Variants in PCDH9 observed in about 807,000 individuals in gnomAD.
The protein encoded by PCDH9 is protocadherin-9.
In PCDH9, 24 loss-of-function variants were observed where a neutral mutation model predicts 70.6. That is an observed-to-expected ratio of 0.34 (90% CI 0.25 to 0.48). PCDH9 has a LOEUF of 0.48. Among genes scored for constraint, PCDH9 ranks in the 20% least tolerant of loss-of-function variants. The probability of loss-of-function intolerance (pLI) is 0.99; values close to 1 mark genes in which losing one functional copy is unlikely to be tolerated. For synonymous variants in PCDH9, 562 were observed against 558.5 expected (o/e 1.01, Z -0.09); for missense variants, 1,281 against 1,503.6 (o/e 0.85, Z 2.45).
chr13:67,002,297 A>G (rs2084261170), intron 2 of PCDH9, among the ~76,000 whole-genome samples: 1 of 152,148 alleles, frequency 6.6e-6, no homozygotes, highest in Non-Finnish European at 1.5e-5. Flanking sequence ...ATATAAATTC[A>G]TAAGCTAGTC....
At chr13:67,103,965 T>G (rs571137151) in intron 2 of PCDH9, among the ~76,000 whole-genome samples, 200 of 152,318 alleles carry the variant, frequency 1.3e-3, no homozygotes, top group Non-Finnish European at 1.6e-3. Context: ...AATTTCAAGA[T>G]GGTCAGATAC....
At chr13:67,005,443 T>C (rs183962500) in intron 2 of PCDH9, among the ~76,000 whole-genome samples, 302 of 152,316 alleles carry the variant, frequency 2.0e-3, no homozygotes, top group Non-Finnish European at 3.4e-3. Flanking sequence ...ATAATACTTA[T>C]TACTTTGTCA....
chr13:66,960,255 A>G (rs1299800012), intron 2 of PCDH9, among the ~76,000 whole-genome samples: 4 of 152,222 alleles, frequency 2.6e-5, no homozygotes, highest in Admixed American at 6.5e-5. Context: ...AAAGCAGTTT[A>G]AAAGAAAATA....
chr13:66,426,546 G>T (rs1227754418), intron 4 of PCDH9, among the ~76,000 whole-genome samples: 22 of 150,418 alleles, frequency 1.5e-4, no homozygotes, highest in Admixed American at 1.5e-3. Context: ...TGTAATATTA[G>T]AAATTCATAT....
At chr13:67,074,160 G>A (rs1193679587) in intron 2 of PCDH9, among the ~76,000 whole-genome samples, 1 of 151,802 alleles carries the variant, frequency 6.6e-6, no homozygotes, top group Non-Finnish European at 1.5e-5. Flanking sequence ...GACTGAATGT[G>A]TTCTCTCAAA....
chr13:66,735,095 T>TA (rs2079128465), intron 3 of PCDH9, among the ~76,000 whole-genome samples: 1 of 152,164 alleles, frequency 6.6e-6, no homozygotes, highest in Admixed American at 6.5e-5. Context: ...CTCAAAATAT[T>TA]AGATAGTTGT....
At chr13:67,120,906 A>C (rs1253710407) in intron 2 of PCDH9, among the ~76,000 whole-genome samples, 1 of 152,008 alleles carries the variant, frequency 6.6e-6, no homozygotes, top group Non-Finnish European at 1.5e-5. Context: ...GCTTTGAGGA[A>C]GTCACTTGGG....
chr13:66,580,531 T>C (rs994861062), intron 4 of PCDH9, among the ~76,000 whole-genome samples: 14 of 151,944 alleles, frequency 9.2e-5, no homozygotes, highest in African/African-American at 3.4e-4. Context: ...AGTGTGGGAG[T>C]ATTTGTCAAT....
intron 3 of PCDH9, among the ~76,000 whole-genome samples, chr13:66,817,457 C>T (rs58970298): frequency 6.6e-6 from 1 of 152,064 alleles, no homozygotes; most frequent in Admixed American, 6.6e-5. Flanking sequence ...TCTTACAATA[C>T]TCATAGATAG....
intron 3 of PCDH9, among the ~76,000 whole-genome samples, chr13:66,814,711 A>C (rs2080570002): frequency 6.6e-6 from 1 of 152,092 alleles, no homozygotes; most frequent in Admixed American, 6.6e-5. Context: ...AGCCATATGC[A>C]AAGATTGAAA....
intron 2 of PCDH9, among the ~76,000 whole-genome samples, chr13:66,917,481 A>C (rs2082575038): frequency 6.6e-6 from 1 of 151,478 alleles, no homozygotes; most frequent in Non-Finnish European, 1.5e-5. Context: ...AACACTAATC[A>C]CTACAGTCTT....
intron 2 of PCDH9, among the ~76,000 whole-genome samples, chr13:67,196,094 A>G (rs554060531): frequency 3.2e-4 from 48 of 152,312 alleles, no homozygotes; most frequent in African/African-American, 1.1e-3. Flanking sequence ...AACAAACTCT[A>G]TGGATACATC....
intron 2 of PCDH9, among the ~76,000 whole-genome samples, chr13:66,934,875 C>T (rs1455956558): frequency 3.2e-4 from 47 of 147,992 alleles, no homozygotes; most frequent in Non-Finnish European, 4.5e-4. Context: ...CGCCCGCTAC[C>T]ACGCCCGGCT....
At chr13:67,119,400 T>C (rs1445370287) in intron 2 of PCDH9, among the ~76,000 whole-genome samples, 4 of 152,200 alleles carry the variant, frequency 2.6e-5, no homozygotes, top group African/African-American at 9.6e-5. Flanking sequence ...TGAGATTATT[T>C]ATTTTCATTT....
chr13:67,157,385 A>G (rs1237428370), intron 2 of PCDH9, among the ~76,000 whole-genome samples: 2 of 152,252 alleles, frequency 1.3e-5, no homozygotes, highest in Non-Finnish European at 2.9e-5. Flanking sequence ...AGACATACAT[A>G]TACTAACTGC....
At chr13:66,517,310 C>T (rs1386468204) in intron 4 of PCDH9, among the ~76,000 whole-genome samples, 1 of 152,060 alleles carries the variant, frequency 6.6e-6, no homozygotes, top group Non-Finnish European at 1.5e-5. Context: ...GCAAGAAATC[C>T]ATTTATGATA....
chr13:66,707,118 A>G (rs549106164), intron 3 of PCDH9, among the ~76,000 whole-genome samples: 4 of 152,202 alleles, frequency 2.6e-5, no homozygotes, highest in African/African-American at 9.7e-5. Context: ...CCCACAAAAA[A>G]TCAGGGAATA....
At chr13:66,403,132 A>T (rs1348678173) in intron 4 of PCDH9, among the ~76,000 whole-genome samples, 2 of 151,730 alleles carry the variant, frequency 1.3e-5, no homozygotes, top group African/African-American at 4.8e-5. Flanking sequence ...ACAGCTTTAG[A>T]TGTACAATTT....
At chr13:67,013,909 C>T (rs777266775) in intron 2 of PCDH9, among the ~76,000 whole-genome samples, 1 of 151,994 alleles carries the variant, frequency 6.6e-6, no homozygotes, top group Non-Finnish European at 1.5e-5. Context: ...ACGAGATAAG[C>T]ATCATCTGTG....
Sources: gnomAD v4.1 joint callset for allele counts (sites outside exome capture counted in the v4.1 genomes callset) on GRCh38, gnomAD v4.1.1 for gene constraint, MANE v1.5 for transcripts, NCBI Gene and HGNC (gene_info 2026-07-23, HGNC 2026-07-21) for gene names.